The following SOX6 variants were observed in gnomAD, a reference collection of about 807,000 sequenced individuals.
SOX6 encodes transcription factor SOX-6.
In SOX6, 11 loss-of-function variants were observed where a neutral mutation model predicts 97.8. The observed-to-expected ratio is 0.11, with a 90% CI of 0.07 to 0.19. SOX6 has a LOEUF of 0.19. Ranked by LOEUF, SOX6 falls within the 10% of genes least tolerant of loss-of-function variation. The pLI is 1.00. For missense variants in SOX6, 810 were observed against 1,039.5 expected, an observed-to-expected ratio of 0.78 and a Z score of 3.04; for synonymous variants, 360 against 371.4, an observed-to-expected ratio of 0.97 and a Z score of 0.35.
chr11:16,731,593 T>C (rs1183368264), intron 2 of SOX6, among the ~76,000 whole-genome samples: 1 of 152,172 alleles, frequency 6.6e-6, no homozygotes, highest in African/African-American at 2.4e-5. Context: ...ATGGAATGTA[T>C]CTCAAAATAA....
At chr11:16,430,236 G>C (rs377642737) in intron 1 of SOX6, among the ~76,000 whole-genome samples, 1 of 151,934 alleles carries the variant, frequency 6.6e-6, no homozygotes, top group Non-Finnish European at 1.5e-5. Context: ...TTCAGATCTC[G>C]TTTCAATCCC....
chr11:16,484,056 T>C, intron 4 of SOX6: 2 of 778,222 alleles, frequency 2.6e-6, no homozygotes, highest in East Asian at 2.4e-5. Context: ...GAGGGGGCTG[T>C]AGGCAGTCAC....
chr11:16,464,769 G>A (rs898515195), intron 1 of SOX6, among the ~76,000 whole-genome samples: 2 of 151,902 alleles, frequency 1.3e-5, no homozygotes, highest in South Asian at 2.1e-4. Flanking sequence ...AATCTTTACC[G>A]AGAGAAAGCA....
chr11:16,055,667 T>C, intron 10 of SOX6, 85 bp downstream of exon 10: 1 of 1,555,910 alleles, frequency 6.4e-7, no homozygotes, highest in South Asian at 1.1e-5. Context: ...TTTCCTGCTG[T>C]TTATGCCCAA....
intron 3 of SOX6, among the ~76,000 whole-genome samples, chr11:16,298,284 T>C (rs373105600): frequency 1.3e-5 from 2 of 152,188 alleles, no homozygotes; most frequent in East Asian, 3.9e-4. Context: ...CTAGTTATCA[T>C]ATTTAACCAT....
At chr11:16,732,416 C>T (rs1258900726) in intron 2 of SOX6, among the ~76,000 whole-genome samples, 1 of 152,166 alleles carries the variant, frequency 6.6e-6, no homozygotes, top group Non-Finnish European at 1.5e-5. Flanking sequence ...AGAACAGAGG[C>T]TTCTGAAATA....
intron 4 of SOX6, among the ~76,000 whole-genome samples, chr11:16,198,263 A>G (rs2134123198): frequency 7.7e-6 from 1 of 129,616 alleles, no homozygotes; most frequent in East Asian, 2.3e-4. Context: ...TTTAGTAGAG[A>G]TGGGGTTTCA....
chr11:16,444,668 T>C (rs1007414174), intron 1 of SOX6, among the ~76,000 whole-genome samples: 2 of 152,232 alleles, frequency 1.3e-5, no homozygotes, highest in African/African-American at 4.8e-5. Flanking sequence ...AAATGTGTCC[T>C]AAAGCAAGTT....
chr11:16,610,447 G>C lies in SOX6; in HGVS notation n.609+1634C>G, dbSNP rs551726800. ...TCTGGTGGGCAAGACTGACCCTGCC[G>C]ACCAGATGCAGGCCGCTAGCGGGAG... On this transcript the variant is annotated intron_variant and non_coding_transcript_variant, in intron 4 of 5. Transcript: ENST00000524520. This position sits in a 1 kb window ranked among gnomAD's most constrained non-coding sequence, Gnocchi z 4.4. 1.3e-5 allele frequency among the ~76,000 whole-genome samples: 2 copies of C among 152,124 alleles called. No individual in the cohort carries two copies. The highest frequency in any genetic ancestry group is 4.8e-5 in the African/African-American group (2 of 41,414).
intron 2 of SOX6, among the ~76,000 whole-genome samples, chr11:16,337,227 C>T (rs1856490426): frequency 6.6e-6 from 1 of 151,994 alleles, no homozygotes; most frequent in South Asian, 2.1e-4. Context: ...GAAGGGAAGG[C>T]TCAAAATAAC....
At chr11:16,269,394 T>A (rs889336414) in intron 3 of SOX6, among the ~76,000 whole-genome samples, 1 of 150,992 alleles carries the variant, frequency 6.6e-6, no homozygotes, top group Non-Finnish European at 1.5e-5. Context: ...TATTCCTCAC[T>A]ATTCTTGCAT....
At chr11:16,029,065 G>C (rs1267340049) in intron 12 of SOX6, among the ~76,000 whole-genome samples, 2 of 152,158 alleles carry the variant, frequency 1.3e-5, no homozygotes, top group Non-Finnish European at 2.9e-5. Flanking sequence ...TAAAATGTAA[G>C]ATATTTTAAA....
intron 12 of SOX6, among the ~76,000 whole-genome samples, chr11:16,015,672 C>A (rs960702492): frequency 2.0e-5 from 3 of 151,926 alleles, no homozygotes; most frequent in Non-Finnish European, 4.4e-5. Context: ...GGAGGGAAAC[C>A]CAGAGATGTT....
chr11:16,399,218 C>T (rs1858472671), intron 1 of SOX6, among the ~76,000 whole-genome samples: 1 of 151,100 alleles, frequency 6.6e-6, no homozygotes, highest in Non-Finnish European at 1.5e-5. Context: ...TATTAAAAAG[C>T]TTTGAAACTA....
intron 12 of SOX6, among the ~76,000 whole-genome samples, chr11:16,025,070 T>C (rs1855177381): frequency 6.6e-6 from 1 of 152,180 alleles, no homozygotes; most frequent in African/African-American, 2.4e-5. Context: ...ATCAGGATTA[T>C]AGTGCTTACT....
chr11:16,164,036 G>A (rs898549212), intron 6 of SOX6, among the ~76,000 whole-genome samples: 1 of 152,172 alleles, frequency 6.6e-6, no homozygotes, highest in African/African-American at 2.4e-5. Flanking sequence ...ACCCAGTTTG[G>A]AGAGCTGTGG....
intron 6 of SOX6, among the ~76,000 whole-genome samples, chr11:16,143,703 T>A (rs1329196845): frequency 6.6e-6 from 1 of 152,158 alleles, no homozygotes; most frequent in Non-Finnish European, 1.5e-5. Flanking sequence ...GTTGCAATCC[T>A]AGTCTCTGAT....
chr11:15,997,261 T>G (rs373254503), intron 13 of SOX6, among the ~76,000 whole-genome samples: 1 of 152,074 alleles, frequency 6.6e-6, no homozygotes, highest in Non-Finnish European at 1.5e-5. Flanking sequence ...ACAAAGAAAA[T>G]TGAAGCCCCG....
intron 15 of SOX6, 143 bp from the exon 16 acceptor site, chr11:15,973,255 C>T (rs918200916): frequency 1.1e-5 from 9 of 827,958 alleles, no homozygotes; most frequent in African/African-American, 1.7e-5. Flanking sequence ...TAAAATGTGA[C>T]AAAGGTGTTC....
Sources: allele counts gnomAD v4.1 joint callset (sites outside exome capture counted in the v4.1 genomes callset), GRCh38; gene constraint gnomAD v4.1.1; non-coding constraint Gnocchi (gnomAD v3.1); transcripts MANE v1.5; gene names NCBI Gene and HGNC (gene_info 2026-07-23, HGNC 2026-07-21).